The following HOOK1 variants were observed in gnomAD, a reference collection of about 807,000 sequenced individuals.
HOOK1 encodes hook microtubule tethering protein 1.
Under a neutral mutation model 112.8 loss-of-function variants are expected in HOOK1, and 60 were observed. That is an observed-to-expected ratio of 0.53 (90% CI 0.43 to 0.66). The LOEUF is 0.66. Ranked by LOEUF, HOOK1 falls within the 30% of genes least tolerant of loss-of-function variation. HOOK1 has a pLI of 0.00. For synonymous variants in HOOK1, 294 were observed against 283.8 expected (o/e 1.04, Z -0.36); for missense variants, 770 against 856.0 (o/e 0.90, Z 1.25).
chr1:59,833,261 G>C lies in HOOK1; in HGVS notation c.274-144G>C, dbSNP rs966519046. Reference sequence around the variant, plus strand: ...GAATGTTGCCTGAACATTGCTAACTGGTTTTAATAATTATTTATTTGTCAT... The same window carrying C: ...GAATGTTGCCTGAACATTGCTAACTCGTTTTAATAATTATTTATTTGTCAT... On this transcript the variant is annotated intron_variant, in intron 4 of 21. Transcript: ENST00000371208. The C allele has an allele frequency of 1.1e-5, 7 of 658,426 alleles. No individual in the cohort carries two copies. The Admixed American group carries it at 1.9e-4, about 18-fold the overall frequency. 40.8% of individuals were successfully genotyped at this position (658,426 alleles called of 1,614,324 possible).
At chr1:59,829,181 T>C (rs2098392093) in intron 3 of HOOK1, among the ~76,000 whole-genome samples, 1 of 152,130 alleles carries the variant, frequency 6.6e-6, no homozygotes, top group African/African-American at 2.4e-5. Context: ...TCTTTTTGTC[T>C]AACTTCATTC....
chr1:59,850,355 C>A lies in HOOK1; in HGVS notation c.1242+1172C>A, dbSNP rs1044349878. 6.0e-5 allele frequency among the ~76,000 whole-genome samples: 9 copies of A among 151,200 alleles called. No homozygotes were observed. The South Asian group carries it at 1.0e-3, about 17-fold the overall frequency. ...TTTCTTGATGATATAGTTTGCAGCA[C>A]CAAGTATTACATTTTGATGAGATCA... On this transcript the variant is annotated intron_variant, in intron 12 of 21. Transcript: ENST00000371208.
chr1:59,865,023 A>C, intron 17 of HOOK1, 140 bp from the exon 18 acceptor site: 1 of 621,910 alleles, frequency 1.6e-6, no homozygotes, highest in South Asian at 2.1e-5. Context: ...GACTGTTTAC[A>C]TCCTCATGAC....
chr1:59,865,995 C>A, intron 19 of HOOK1, 23 bp downstream of exon 19: 1 of 1,323,986 alleles, frequency 7.6e-7, no homozygotes, highest in Non-Finnish European at 1.1e-6. Flanking sequence ...TCTTTCGGAG[C>A]TCAAGACTTT....
chr1:59,832,492 A>G (rs796343346), intron 4 of HOOK1, among the ~76,000 whole-genome samples: 9 of 152,282 alleles, frequency 5.9e-5, no homozygotes, highest in African/African-American at 1.9e-4. Context: ...GCAATACTAT[A>G]AAGTAGACTT....
Position 59,860,348 on chromosome 1 carries a change from C to T in HOOK1, c.1532+20C>T, listed in dbSNP as rs778538744. The T allele has an allele frequency of 2.6e-6, 4 of 1,523,444 alleles. No homozygotes were observed. Among genetic ancestry groups the T allele is most frequent in the East Asian group, 4.8e-5 (2 of 41,906 alleles). 94.4% of individuals were successfully genotyped at this position (1,523,444 alleles called of 1,614,324 possible). On this transcript the variant is annotated intron_variant, in intron 15 of 21. Transcript: ENST00000371208. ...GCAGAGGTGATATGCTCCTTAGTAA[C>T]TGAAAATCTTGGTGATTTTATTACC...
At chr1:59,831,913 G>A (rs949113022) in intron 3 of HOOK1, among the ~76,000 whole-genome samples, 2 of 152,194 alleles carry the variant, frequency 1.3e-5, no homozygotes, top group African/African-American at 4.8e-5. Context: ...GGACATGCCT[G>A]TGTATAAATT....
chr1:59,860,145 CAT>C (rs1278024736), intron 14 of HOOK1, 41 bp from the exon 15 acceptor site: 1 of 1,461,292 alleles, frequency 6.8e-7, no homozygotes, highest in East Asian at 2.5e-5. Context: ...TATAATGACT[CAT>C]ATTTTTAAAA....
chr1:59,823,190 G>A (rs2098387033), intron 2 of HOOK1, among the ~76,000 whole-genome samples: 2 of 152,034 alleles, frequency 1.3e-5, no homozygotes, highest in Admixed American at 6.6e-5. Context: ...CATGGTGGCG[G>A]GCGCCTGTAG....
chr1:59,822,893 G>T, intron 2 of HOOK1, among the ~76,000 whole-genome samples: 1 of 152,136 alleles, frequency 6.6e-6, no homozygotes, highest in East Asian at 1.9e-4. Context: ...GATCTCTTGC[G>T]AATAGACTGA....
At chr1:59,839,671 T>C (rs984948514) in intron 7 of HOOK1, among the ~76,000 whole-genome samples, 18 of 152,204 alleles carry the variant, frequency 1.2e-4, no homozygotes, top group African/African-American at 4.1e-4. Context: ...CCTATTTGAA[T>C]AGGCTTTATT....
rs533137392 is a variant in HOOK1 at position 59,824,210 on chromosome 1, A to T, written c.149+2267A>T. 4.7e-3 allele frequency among the ~76,000 whole-genome samples: 672 copies of T among 143,826 alleles called. 4 individuals carry two copies. The highest frequency in any genetic ancestry group is 0.016 in the African/African-American group (643 of 39,458). The allele number at this position is 143,826 out of a possible 152,430, so 94.4% of individuals were successfully genotyped here. A position where few individuals can be genotyped will look rare whatever the true frequency, so the allele number is the denominator to read the frequency against. ...TTCAAAGCACTTTAAATATGTTACAATTTTTTTTTTTTTTTGAGATGGAGT... is the reference window on the plus strand; with the variant it reads ...TTCAAAGCACTTTAAATATGTTACATTTTTTTTTTTTTTTTGAGATGGAGT... On this transcript the variant is annotated intron_variant, in intron 2 of 21. Transcript: ENST00000371208.
chr1:59,869,435 G>T (rs546683152), intron 20 of HOOK1, among the ~76,000 whole-genome samples: 1 of 152,072 alleles, frequency 6.6e-6, no homozygotes, highest in Non-Finnish European at 1.5e-5. Context: ...CAAGTGATCT[G>T]CTCTCCTCAG....
intron 20 of HOOK1, 87 bp downstream of exon 20, chr1:59,868,438 A>G: frequency 1.2e-6 from 1 of 826,828 alleles, no homozygotes; most frequent in Non-Finnish European, 2.0e-6. Context: ...TTAATGATCA[A>G]GTTTTACAAG....
intron 21 of HOOK1, 112 bp downstream of exon 21, chr1:59,871,222 T>C: frequency 1.5e-6 from 1 of 656,750 alleles, no homozygotes; most frequent in Non-Finnish European, 2.6e-6. Flanking sequence ...AACCAAGACA[T>C]AGCATGTTTA....
At chr1:59,868,979 C>T (rs1329366668) in intron 20 of HOOK1, among the ~76,000 whole-genome samples, 1 of 152,146 alleles carries the variant, frequency 6.6e-6, no homozygotes, top group African/African-American at 2.4e-5. Flanking sequence ...AAGTATGTCA[C>T]TATGGAATTC....
In HOOK1 at chr1:59,838,090, A is replaced by C. The variant is rs535380148; in HGVS notation, c.537+1155A>C. ...GTGCCACATTTTCTTAATCCAGTCC[A>C]TCTTTGATGGACATTTGGGTTGGTT... On this transcript the variant is annotated intron_variant, in intron 7 of 21. Transcript: ENST00000371208. Among the ~76,000 whole-genome samples, 182 of 152,198 alleles carry C rather than the reference A, an allele frequency of 1.2e-3. 2 individuals carry two copies. The highest frequency in any genetic ancestry group is 4.3e-3 in the African/African-American group (177 of 41,520).
chr1:59,833,887 T>G (rs77909276), intron 5 of HOOK1, among the ~76,000 whole-genome samples: 4,948 of 152,288 alleles, frequency 0.032, 99 homozygotes, highest in Non-Finnish European at 0.046. Context: ...GTGGATTCAG[T>G]TTTCATAAAT....
At chr1:59,859,271 T>C (rs946817268) in intron 14 of HOOK1, among the ~76,000 whole-genome samples, 27 of 152,110 alleles carry the variant, frequency 1.8e-4, no homozygotes, top group Non-Finnish European at 3.2e-4. Flanking sequence ...TTTTAGTTTT[T>C]ATAATATGAC....
Sources: allele counts gnomAD v4.1 joint callset (sites outside exome capture counted in the v4.1 genomes callset), GRCh38; gene constraint gnomAD v4.1.1; transcripts MANE v1.5; gene names NCBI Gene and HGNC (gene_info 2026-07-23, HGNC 2026-07-21).